Variants in ADGRL2 observed in about 807,000 individuals in gnomAD.
ADGRL2 encodes the protein adhesion G protein-coupled receptor L2.
In ADGRL2, 44 loss-of-function variants were observed where a neutral mutation model predicts 157.4. The observed-to-expected ratio is 0.28, with a 90% CI of 0.22 to 0.36. The LOEUF (loss-of-function observed/expected upper bound fraction) is 0.36. Ranked by LOEUF, ADGRL2 falls within the 10% of genes least tolerant of loss-of-function variation. ADGRL2 has a pLI of 1.00. For synonymous variants in ADGRL2, 585 were observed against 624.7 expected, an observed-to-expected ratio of 0.94 and a Z score of 0.95; for missense variants, 1,510 against 1,768.9, an observed-to-expected ratio of 0.85 and a Z score of 2.63.
intron 1 of ADGRL2, among the ~76,000 whole-genome samples, chr1:81,407,571 T>C (rs1032846411): frequency 6.6e-6 from 1 of 152,350 alleles, no homozygotes; most frequent in East Asian, 1.9e-4. Context: ...ACAATGATTC[T>C]CTTAAACCTG....
intron 3 of ADGRL2, among the ~76,000 whole-genome samples, chr1:81,622,567 T>A (rs899862353): frequency 6.6e-6 from 1 of 151,038 alleles, no homozygotes; most frequent in African/African-American, 2.4e-5. Flanking sequence ...GGCAACAGAG[T>A]GAGACCCCGT....
At chr1:81,395,732 T>A (rs1278526897) in intron 1 of ADGRL2, among the ~76,000 whole-genome samples, 1 of 152,170 alleles carries the variant, frequency 6.6e-6, no homozygotes, top group East Asian at 1.9e-4. Context: ...CAGTGAAGGA[T>A]GGGGGTCTAG....
At chr1:81,592,237 G>T (rs2081147222) in intron 3 of ADGRL2, among the ~76,000 whole-genome samples, 1 of 152,092 alleles carries the variant, frequency 6.6e-6, no homozygotes, top group Non-Finnish European at 1.5e-5. Flanking sequence ...TTAACCAGAG[G>T]TAGGCAAATG....
intron 3 of ADGRL2, among the ~76,000 whole-genome samples, chr1:81,653,082 T>C (rs577257498): frequency 6.6e-6 from 1 of 152,304 alleles, no homozygotes; most frequent in South Asian, 2.1e-4. Flanking sequence ...GTAGTTAATC[T>C]AGATGCTTAT....
intron 2 of ADGRL2, among the ~76,000 whole-genome samples, chr1:81,549,363 G>T (rs2080090771): frequency 6.6e-6 from 1 of 152,154 alleles, no homozygotes; most frequent in South Asian, 2.1e-4. Flanking sequence ...CTAGATTCTG[G>T]CTCTGCAACC....
chr1:81,568,740 A>G (rs2080619089), intron 2 of ADGRL2, among the ~76,000 whole-genome samples: 1 of 152,170 alleles, frequency 6.6e-6, no homozygotes, highest in African/African-American at 2.4e-5. Context: ...ATTTTTACCA[A>G]AAAAATGATA....
chr1:81,773,523 A>G (rs940685082), intron 2 of ADGRL2, among the ~76,000 whole-genome samples: 2 of 152,182 alleles, frequency 1.3e-5, no homozygotes, highest in East Asian at 1.9e-4. Flanking sequence ...AGGATTGCCC[A>G]CAGTTACTTC....
intron 1 of ADGRL2, among the ~76,000 whole-genome samples, chr1:81,421,387 A>G (rs549358565): frequency 2.0e-5 from 3 of 152,326 alleles, no homozygotes; most frequent in African/African-American, 7.2e-5. Flanking sequence ...GTGTTTCAAG[A>G]CTGCTACAAA....
At chr1:81,944,258 A>G (rs969109790) in intron 6 of ADGRL2, among the ~76,000 whole-genome samples, 1 of 152,158 alleles carries the variant, frequency 6.6e-6, no homozygotes, top group South Asian at 2.1e-4. Flanking sequence ...ATATTTTTCT[A>G]GATTATCATG....
chr1:81,619,731 ATGTGTGTG>A (rs34153343), intron 3 of ADGRL2, among the ~76,000 whole-genome samples: 1 of 149,546 alleles, frequency 6.7e-6, no homozygotes, highest in Non-Finnish European at 1.5e-5. Flanking sequence ...GGGTGTGTGT[ATGTGTGTG>A]TGTGTGTGTG....
intron 2 of ADGRL2, among the ~76,000 whole-genome samples, chr1:81,468,600 T>C (rs948398782): frequency 3.3e-5 from 5 of 152,174 alleles, no homozygotes; most frequent in African/African-American, 9.6e-5. Context: ...GAAATTTGAA[T>C]GGAAGCATTT....
chr1:81,959,466 A>C (rs769467110), intron 11 of ADGRL2, among the ~76,000 whole-genome samples: 1 of 152,078 alleles, frequency 6.6e-6, no homozygotes, highest in African/African-American at 2.4e-5. Flanking sequence ...TATTTTCTTT[A>C]TATCTTGGGA....
intron 1 of ADGRL2, among the ~76,000 whole-genome samples, chr1:81,370,343 TA>T (rs762219367): frequency 6.6e-6 from 1 of 152,156 alleles, no homozygotes; most frequent in Non-Finnish European, 1.5e-5. Context: ...TTGTTGGAGA[TA>T]TTTTTTTCCT....
intron 2 of ADGRL2, among the ~76,000 whole-genome samples, chr1:81,462,161 A>G (rs959964976): frequency 6.6e-6 from 1 of 152,092 alleles, no homozygotes; most frequent in Admixed American, 6.6e-5. Flanking sequence ...AAATGGACCA[A>G]TCACACTCTG....
chr1:81,550,234 C>T (rs1557451062), intron 2 of ADGRL2, among the ~76,000 whole-genome samples: 1 of 152,082 alleles, frequency 6.6e-6, no homozygotes, highest in Non-Finnish European at 1.5e-5. Flanking sequence ...CCAGAAATGC[C>T]CTTACTTTTG....
intron 1 of ADGRL2, among the ~76,000 whole-genome samples, chr1:81,436,276 A>T (rs1397485337): frequency 6.6e-6 from 1 of 152,172 alleles, no homozygotes; most frequent in Non-Finnish European, 1.5e-5. Flanking sequence ...TGCCGACGAC[A>T]TCACGGTAGA....
chr1:81,963,478 G>C (rs557597129), intron 11 of ADGRL2, among the ~76,000 whole-genome samples: 1 of 151,970 alleles, frequency 6.6e-6, no homozygotes, highest in South Asian at 2.1e-4. Context: ...AATGCTTCTA[G>C]AGTTTTTCAC....
intron 1 of ADGRL2, among the ~76,000 whole-genome samples, chr1:81,402,250 C>T (rs1484049054): frequency 6.6e-6 from 1 of 152,162 alleles, no homozygotes; most frequent in Admixed American, 6.5e-5. Context: ...CAGACAGCAC[C>T]ATGGCTGGGA....
At chr1:81,386,203 C>T (rs555180084) in intron 1 of ADGRL2, among the ~76,000 whole-genome samples, 1 of 152,242 alleles carries the variant, frequency 6.6e-6, no homozygotes, top group East Asian at 1.9e-4. Flanking sequence ...GACTGTTCCT[C>T]TATCTAAATG....
Sources: allele counts gnomAD v4.1 joint callset (sites outside exome capture counted in the v4.1 genomes callset), GRCh38; gene constraint gnomAD v4.1.1; transcripts MANE v1.5; gene names NCBI Gene and HGNC (gene_info 2026-07-23, HGNC 2026-07-21).